Variants in CPED1 observed in about 807,000 individuals in gnomAD.
CPED1 encodes cadherin-like and PC-esterase domain-containing protein 1.
Under a neutral mutation model 128.2 loss-of-function variants are expected in CPED1, and 114 were observed. That is an observed-to-expected ratio of 0.89 (90% CI 0.76 to 1.04). The LOEUF is 1.04. Among genes scored for constraint, CPED1 ranks in the 50% least tolerant of loss-of-function variants. CPED1 has a pLI of 0.00. For synonymous variants in CPED1, 462 were observed against 426.7 expected (o/e 1.08, Z -1.02); for missense variants, 1,211 against 1,207.1 (o/e 1.00, Z -0.05).
intron 16 of CPED1, among the ~76,000 whole-genome samples, chr7:121,201,472 G>A (rs570686996): frequency 4.0e-4 from 60 of 148,424 alleles, no homozygotes; most frequent in Admixed American, 2.1e-3. Flanking sequence ...GAGAGAGAGG[G>A]AGAGTGAGAG....
intron 16 of CPED1, among the ~76,000 whole-genome samples, chr7:121,145,271 A>G (rs1395313375): frequency 6.6e-6 from 1 of 152,092 alleles, no homozygotes; most frequent in African/African-American, 2.4e-5. Context: ...GATCAGAAAC[A>G]AGTTAATTAT....
chr7:121,094,918 T>C (rs952694181), intron 5 of CPED1, among the ~76,000 whole-genome samples: 1 of 152,152 alleles, frequency 6.6e-6, no homozygotes, highest in African/African-American at 2.4e-5. Flanking sequence ...TAAAATAAGC[T>C]AAGAGTAGCC....
In CPED1 at chr7:121,128,570, C is replaced by T. The variant is rs183208281; in HGVS notation, c.1407+84C>T. On this transcript the variant is annotated intron_variant, in intron 11 of 22. Coordinates refer to ENST00000310396, the MANE Select transcript of CPED1 (RefSeq NM_024913.5). ...TAAGCTACCTGATTTTGACATCAAACTAGATTAAGTATTTCTTTAAGAAAT... is the reference window on the plus strand; with the variant it reads ...TAAGCTACCTGATTTTGACATCAAATTAGATTAAGTATTTCTTTAAGAAAT... The T allele has an allele frequency of 1.8e-4, 129 of 736,350 alleles. No individual in the cohort carries two copies. In the East Asian group the frequency reaches 2.9e-3, roughly 17 times the overall value. The allele number at this position is 736,350 out of a possible 1,614,324, so 45.6% of individuals were successfully genotyped here.
chr7:121,189,760 T>TTATATATATATATATATATATATA lies in CPED1; in HGVS notation c.2056-46939_2056-46916dup, dbSNP rs377035175. Among the ~76,000 whole-genome samples the TTATATATATATATATATATATATA allele has an allele frequency of 1.1e-3, 52 of 47,446 alleles. 1 individual carries two copies. The highest frequency in any genetic ancestry group is 4.5e-3 in the South Asian group (4 of 886). 31.1% of individuals were successfully genotyped at this position (47,446 alleles called of 152,430 possible). A position where few individuals can be genotyped will look rare whatever the true frequency, so the allele number is the denominator to read the frequency against. On this transcript the variant is annotated intron_variant, in intron 16 of 22. Transcript: ENST00000310396. ...TCTTATTTTACTTTCTTATGAGGTTTTATATATATATATATATATATATAT... is the reference window on the plus strand; with the variant it reads ...TCTTATTTTACTTTCTTATGAGGTTTTATATATATATATATATATATATATATATATATATATATATATATATAT...
intron 16 of CPED1, among the ~76,000 whole-genome samples, chr7:121,200,340 A>G (rs1221028955): frequency 6.6e-6 from 1 of 152,130 alleles, no homozygotes; most frequent in East Asian, 1.9e-4. Context: ...AGATGTGTCA[A>G]TGCATACTGT....
intron 5 of CPED1, among the ~76,000 whole-genome samples, chr7:121,089,490 C>T (rs1349307610): frequency 1.3e-5 from 2 of 152,130 alleles, no homozygotes; most frequent in Non-Finnish European, 2.9e-5. Context: ...CACATGGTTT[C>T]ATTTAAATAG....
chr7:121,039,860 A>G (rs185209790), intron 3 of CPED1, among the ~76,000 whole-genome samples: 18 of 152,226 alleles, frequency 1.2e-4, no homozygotes, highest in Admixed American at 3.3e-4. Flanking sequence ...ATTTCTTCAC[A>G]ACAAAAATCT....
At chr7:121,067,753 C>T (rs1444649167) in intron 5 of CPED1, among the ~76,000 whole-genome samples, 4 of 152,190 alleles carry the variant, frequency 2.6e-5, no homozygotes, top group Admixed American at 2.6e-4. Context: ...GTTCCTATTT[C>T]TCCACCTCCT....
chr7:121,139,222 A>G (rs1349259288), intron 14 of CPED1, among the ~76,000 whole-genome samples: 1 of 151,906 alleles, frequency 6.6e-6, no homozygotes, highest in Non-Finnish European at 1.5e-5. Context: ...AGTTTACCCA[A>G]TTCAGTGAGT....
At chr7:121,137,994 T>C (rs1160014348) in intron 14 of CPED1, among the ~76,000 whole-genome samples, 2 of 152,030 alleles carry the variant, frequency 1.3e-5, no homozygotes, top group Admixed American at 6.6e-5. Context: ...ATGGTGTAGA[T>C]GATGTGAATA....
intron 22 of CPED1, among the ~76,000 whole-genome samples, chr7:121,289,079 C>T (rs540664125): frequency 4.6e-5 from 7 of 152,052 alleles, no homozygotes; most frequent in African/African-American, 1.4e-4. Flanking sequence ...AAATTTTGAC[C>T]CTGGGACCTA....
intron 17 of CPED1, among the ~76,000 whole-genome samples, chr7:121,237,961 A>G (rs1179773296): frequency 1.3e-5 from 2 of 152,232 alleles, no homozygotes; most frequent in Non-Finnish European, 2.9e-5. Flanking sequence ...AATGAGATAT[A>G]TATTATTCCA....
chr7:121,071,010 C>T (rs1793975367), intron 5 of CPED1, among the ~76,000 whole-genome samples: 1 of 152,112 alleles, frequency 6.6e-6, no homozygotes, highest in African/African-American at 2.4e-5. Context: ...CTCACAGGGC[C>T]TTGGCATGTG....
At chr7:121,125,478 A>T (rs547804830) in intron 8 of CPED1, among the ~76,000 whole-genome samples, 2 of 151,844 alleles carry the variant, frequency 1.3e-5, no homozygotes, top group African/African-American at 4.8e-5. Flanking sequence ...AACCCCCAAC[A>T]GGCCCCAGTG....
chr7:121,268,396 G>T (rs1483385530), intron 21 of CPED1, among the ~76,000 whole-genome samples: 1 of 152,056 alleles, frequency 6.6e-6, no homozygotes, highest in Non-Finnish European at 1.5e-5. Context: ...GCCAGATATT[G>T]TGTTAAACAT....
chr7:121,234,802 T>C (rs1798217198), intron 16 of CPED1, among the ~76,000 whole-genome samples: 1 of 151,994 alleles, frequency 6.6e-6, no homozygotes, highest in African/African-American at 2.4e-5. Flanking sequence ...GTTGATTGAG[T>C]GAACACACAC....
At chr7:121,270,358 T>G (rs145961786) in intron 21 of CPED1, among the ~76,000 whole-genome samples, 2 of 152,288 alleles carry the variant, frequency 1.3e-5, no homozygotes, top group African/African-American at 4.8e-5. Context: ...TGTTGATAGT[T>G]TCTTTTGCTG....
At chr7:120,999,563 A>T (rs41700) in intron 2 of CPED1, among the ~76,000 whole-genome samples, 2 of 151,908 alleles carry the variant, frequency 1.3e-5, no homozygotes, top group African/African-American at 4.8e-5. Flanking sequence ...TCCTTTTATA[A>T]ATTTTTATAT....
chr7:121,239,431 A>G (rs1413200124), intron 17 of CPED1, among the ~76,000 whole-genome samples: 1 of 152,174 alleles, frequency 6.6e-6, no homozygotes, highest in African/African-American at 2.4e-5. Flanking sequence ...TTAAGAAAGA[A>G]AAAATAATTA....
Sources: gnomAD v4.1 joint callset for allele counts (sites outside exome capture counted in the v4.1 genomes callset) on GRCh38, gnomAD v4.1.1 for gene constraint, MANE v1.5 for transcripts, NCBI Gene and HGNC (gene_info 2026-07-23, HGNC 2026-07-21) for gene names.